MAPK10: variants seen among roughly 807,000 people sequenced by gnomAD.
MAPK10 encodes the protein JNK3 alpha protein kinase.
In MAPK10, 25 loss-of-function variants were observed where a neutral mutation model predicts 59.3. That is an observed-to-expected ratio of 0.42 (90% CI 0.31 to 0.59). The LOEUF (loss-of-function observed/expected upper bound fraction) is 0.59. MAPK10 is among the 20% of genes least tolerant of loss of function. The probability of loss-of-function intolerance (pLI) is 0.15; values close to 1 mark genes in which losing one functional copy is unlikely to be tolerated. For synonymous variants in MAPK10, 190 were observed against 200.5 expected (o/e 0.95, Z 0.44); for missense variants, 351 against 568.9 (o/e 0.62, Z 3.90).
intron 1 of MAPK10, among the ~76,000 whole-genome samples, chr4:86,446,213 G>A (rs1011765159): frequency 6.6e-6 from 1 of 152,090 alleles, no homozygotes; most frequent in African/African-American, 2.4e-5. Flanking sequence ...GTATTTGAAA[G>A]TGGATTTGGA....
At position 86,013,560 on chromosome 4, in the gene MAPK10, C is replaced by T. The variant is rs1269234381; in HGVS notation, c.*3668G>A. 6.6e-6 allele frequency: 1 copy of T among 152,116 alleles called. No individual in the cohort carries two copies. The highest frequency in any genetic ancestry group is 2.4e-5 in the African/African-American group (1 of 41,436). The allele number at this position is 152,116 out of a possible 1,614,324, so 9.4% of individuals were successfully genotyped here. A position where few individuals can be genotyped will look rare whatever the true frequency, so the allele number is the denominator to read the frequency against. On this transcript the variant is annotated 3_prime_UTR_variant, in exon 14 of 14. Transcript: ENST00000641462. ...TAGATTTTGTATAATTTAGGTTTTG[C>T]AATGAATATTTACAATTTTAAAACA...
intron 1 of MAPK10, among the ~76,000 whole-genome samples, chr4:86,378,094 T>C (rs765159456): frequency 7.2e-5 from 11 of 152,156 alleles, no homozygotes; most frequent in Admixed American, 1.3e-4. Flanking sequence ...ACACTCAGTA[T>C]TAACCATCAC....
At chr4:86,334,544 T>G (rs1317000207) in intron 2 of MAPK10, among the ~76,000 whole-genome samples, 1 of 152,134 alleles carries the variant, frequency 6.6e-6, no homozygotes, top group Non-Finnish European at 1.5e-5. Flanking sequence ...TAAGCCTCAT[T>G]TATTATCCCT....
In MAPK10 at chr4:86,271,550, G is replaced by A. The variant is rs148767418; in HGVS notation, c.-6-77143C>T. ...GGGTACAAATGATCCTGTGACCCAG[G>A]TAGTGAGCATGATGCCTGTATTAGT... is the stretch of plus-strand genomic sequence containing the variant. On this transcript the variant is annotated intron_variant, in intron 2 of 13. Transcript: ENST00000641462. Among the ~76,000 whole-genome samples, 162 of 152,016 alleles carry A rather than the reference G, an allele frequency of 1.1e-3. 2 individuals carry two copies. In the East Asian group the frequency reaches 0.025, roughly 23 times the overall value.
At chr4:86,063,924 C>G (rs1280370340) in intron 11 of MAPK10, among the ~76,000 whole-genome samples, 1 of 152,052 alleles carries the variant, frequency 6.6e-6, no homozygotes, top group Non-Finnish European at 1.5e-5. Flanking sequence ...GCAACTTGTC[C>G]TCTGTTGTTT....
chr4:86,416,263 C>T (rs1027430634), intron 1 of MAPK10, among the ~76,000 whole-genome samples: 5 of 152,192 alleles, frequency 3.3e-5, no homozygotes, highest in Non-Finnish European at 7.3e-5. Context: ...CAAGGAGAGA[C>T]GACTCACCAG....
chr4:86,182,162 A>T (rs1216854749), intron 3 of MAPK10, among the ~76,000 whole-genome samples: 1 of 152,132 alleles, frequency 6.6e-6, no homozygotes, highest in Non-Finnish European at 1.5e-5. Flanking sequence ...CCGAGACTAT[A>T]ACAAGAAGCC....
chr4:86,357,817 A>C (rs1373165109), intron 1 of MAPK10: 1 of 152,384 alleles, frequency 6.6e-6, no homozygotes, highest in Non-Finnish European at 1.5e-5. Context: ...CACTATCCAG[A>C]ATCGTTTTAC....
At chr4:86,449,653 A>C (rs2149053856) in intron 1 of MAPK10, among the ~76,000 whole-genome samples, 1 of 152,352 alleles carries the variant, frequency 6.6e-6, no homozygotes, top group Admixed American at 6.5e-5. Context: ...GGAGGAAACT[A>C]GGAAACTGTG....
At chr4:86,035,369 T>TG (rs1560792097) in intron 11 of MAPK10, among the ~76,000 whole-genome samples, 1 of 28,442 alleles carries the variant, frequency 3.5e-5, no homozygotes, top group Admixed American at 4.1e-4. Context: ...AGACTCTGTC[T>TG]CAAAAAAAAA....
intron 1 of MAPK10, chr4:86,383,990 C>T (rs1220100121): frequency 6.6e-6 from 1 of 152,162 alleles, no homozygotes; most frequent in Non-Finnish European, 1.5e-5. Flanking sequence ...GAAGACATAT[C>T]ATTTCTTTCA....
intron 3 of MAPK10, chr4:86,192,089 A>G (rs1167522609): frequency 6.6e-6 from 1 of 152,128 alleles, no homozygotes; most frequent in African/African-American, 2.4e-5. Flanking sequence ...AAGAATGTCG[A>G]ATATTGCCCC....
chr4:86,156,345 G>C (rs1219824912), intron 4 of MAPK10, among the ~76,000 whole-genome samples: 1 of 151,880 alleles, frequency 6.6e-6, no homozygotes, highest in Non-Finnish European at 1.5e-5. Flanking sequence ...TCAAGGTACA[G>C]ATATTTTACA....
chr4:86,588,820 T>C (rs115301751), intron 1 of MAPK10, among the ~76,000 whole-genome samples: 2,518 of 152,332 alleles, frequency 0.017, 28 homozygotes, highest in South Asian at 0.034. Context: ...TTTTGGTTTT[T>C]ATCACGTGTA....
chr4:86,547,077 A>C (rs1411247107), intron 1 of MAPK10, among the ~76,000 whole-genome samples: 1 of 152,182 alleles, frequency 6.6e-6, no homozygotes, highest in Non-Finnish European at 1.5e-5. Context: ...AAAGTGCTAA[A>C]GGGAAAGGCT....
chr4:86,019,874 T>C (rs946177386), intron 13 of MAPK10, among the ~76,000 whole-genome samples: 1 of 152,244 alleles, frequency 6.6e-6, no homozygotes, highest in Non-Finnish European at 1.5e-5. Flanking sequence ...ATTATGGTGC[T>C]ACAGCTTAAT....
chr4:86,492,896 G>T (rs549680620), intron 1 of MAPK10, among the ~76,000 whole-genome samples: 4 of 152,298 alleles, frequency 2.6e-5, no homozygotes, highest in Admixed American at 1.3e-4. Context: ...GGGTGTTAAA[G>T]CAAACTAAAT....
At chr4:86,181,269 G>A (rs1377753656) in intron 3 of MAPK10, among the ~76,000 whole-genome samples, 1 of 152,038 alleles carries the variant, frequency 6.6e-6, no homozygotes, top group Non-Finnish European at 1.5e-5. Context: ...TAGATAAGGA[G>A]CCAAAAGGAG....
At chr4:86,386,166 A>G (rs569009074) in intron 1 of MAPK10, among the ~76,000 whole-genome samples, 1 of 152,314 alleles carries the variant, frequency 6.6e-6, no homozygotes, top group South Asian at 2.1e-4. Flanking sequence ...TCTACACAAC[A>G]CTACATCTCT....
Sources: allele counts gnomAD v4.1 joint callset (sites outside exome capture counted in the v4.1 genomes callset), GRCh38; gene constraint gnomAD v4.1.1; transcripts MANE v1.5; gene names NCBI Gene and HGNC (gene_info 2026-07-23, HGNC 2026-07-21).